Variants in AKAP6 observed in about 807,000 individuals in gnomAD.
AKAP6 encodes the protein A-kinase anchoring protein 6, also known as A-kinase anchor protein 6.
AKAP6 carries 58 observed loss-of-function variants against 188.5 expected under a neutral mutation model. The observed-to-expected ratio is 0.31, with a 90% CI of 0.25 to 0.38. The LOEUF (loss-of-function observed/expected upper bound fraction) is 0.38. Ranked by LOEUF, AKAP6 falls within the 10% of genes least tolerant of loss-of-function variation. AKAP6 has a pLI of 1.00. For synonymous variants in AKAP6, 989 were observed against 998.6 expected (o/e 0.99, Z 0.18); for missense variants, 2,710 against 2,740.0 (o/e 0.99, Z 0.24).
intron 1 of AKAP6, among the ~76,000 whole-genome samples, chr14:32,384,320 C>A (rs889854943): frequency 2.0e-5 from 3 of 152,206 alleles, no homozygotes; most frequent in African/African-American, 7.2e-5. Flanking sequence ...CTGTGTCTTA[C>A]ATTGCCCTAA....
chr14:32,334,404 C>T (rs1300214096), intron 1 of AKAP6, among the ~76,000 whole-genome samples: 2 of 152,072 alleles, frequency 1.3e-5, no homozygotes, highest in South Asian at 2.1e-4. Flanking sequence ...ACTTAATAGC[C>T]GTCTTGGTTT....
intron 12 of AKAP6, among the ~76,000 whole-genome samples, chr14:32,795,243 C>CA (rs1449740463): frequency 5.3e-5 from 8 of 151,990 alleles, no homozygotes; most frequent in Admixed American, 2.6e-4. Flanking sequence ...GAAAATATTC[C>CA]AAAAAAATTG....
chr14:32,337,196 G>A (rs1886731308), intron 1 of AKAP6, among the ~76,000 whole-genome samples: 1 of 152,108 alleles, frequency 6.6e-6, no homozygotes, highest in South Asian at 2.1e-4. Context: ...AATGAAAACA[G>A]GCGTGCAAGT....
intron 7 of AKAP6, among the ~76,000 whole-genome samples, chr14:32,675,347 C>A (rs1278255726): frequency 6.6e-6 from 1 of 152,120 alleles, no homozygotes; most frequent in Non-Finnish European, 1.5e-5. Context: ...TTTGATGGTG[C>A]ATCTTAAATA....
chr14:32,374,988 A>G (rs541287686), intron 1 of AKAP6, among the ~76,000 whole-genome samples: 2 of 152,352 alleles, frequency 1.3e-5, no homozygotes, highest in African/African-American at 4.8e-5. Flanking sequence ...AAGAAACATC[A>G]TAGTGTGGAG....
intron 7 of AKAP6, among the ~76,000 whole-genome samples, chr14:32,664,384 C>T (rs779187847): frequency 3.9e-5 from 6 of 151,930 alleles, no homozygotes; most frequent in Non-Finnish European, 8.8e-5. Context: ...GTGGCTTTGT[C>T]ACAGATCTAC....
At chr14:32,641,482 AAAAAAAGAAAAG>A (rs981851000) in intron 7 of AKAP6, among the ~76,000 whole-genome samples, 2 of 151,436 alleles carry the variant, frequency 1.3e-5, no homozygotes, top group African/African-American at 4.8e-5. Context: ...AAAAAAAAAA[AAAAAAAGAAAAG>A]AAAAGAAAAG....
chr14:32,776,571 A>C (rs1235104702), intron 12 of AKAP6, among the ~76,000 whole-genome samples: 1 of 152,218 alleles, frequency 6.6e-6, no homozygotes, highest in Non-Finnish European at 1.5e-5. Flanking sequence ...GGGCCTGGGA[A>C]ATACTTGCAC....
At chr14:32,766,482 G>A (rs978556361) in intron 11 of AKAP6, among the ~76,000 whole-genome samples, 3 of 152,054 alleles carry the variant, frequency 2.0e-5, no homozygotes, top group Non-Finnish European at 2.9e-5. Context: ...TAATGGATGA[G>A]GGTTCCAATT....
chr14:32,823,832 G>A lies in AKAP6; in HGVS notation c.6019G>A (p.Asp2007Asn), dbSNP rs2034599894. 5 of 1,613,416 alleles carry A rather than the reference G, an allele frequency of 3.1e-6. No homozygotes were observed. In the South Asian group the frequency reaches 5.5e-5, roughly 18 times the overall value. ...CTCTGATGCACTGAAATCATCTGAT[G>A]ATGCACCGAGTATGGCTGGAAAATC... Reference protein sequence around the residue: ...QDSDALKSSDDAPSMAGKSAG... With the variant: ...QDSDALKSSDNAPSMAGKSAG... Residue 2007 changes from aspartate to asparagine, a missense_variant, in exon 13 of 14, where the codon GAT (aspartate) becomes AAT (asparagine). By Grantham distance (23) the Asp-to-Asn change is conservative. Transcript: ENST00000280979.
intron 5 of AKAP6, among the ~76,000 whole-genome samples, chr14:32,597,474 T>G: frequency 6.6e-6 from 1 of 152,212 alleles, no homozygotes; most frequent in East Asian, 1.9e-4. Flanking sequence ...GCTTCAGAGT[T>G]GAGGATGTCC....
chr14:32,506,458 G>A (rs1880883245), intron 2 of AKAP6, among the ~76,000 whole-genome samples: 1 of 152,162 alleles, frequency 6.6e-6, no homozygotes, highest in Non-Finnish European at 1.5e-5. Flanking sequence ...TGATATAGAT[G>A]TGGTAGGGAC....
intron 1 of AKAP6, among the ~76,000 whole-genome samples, chr14:32,428,266 TC>T (rs1485758795): frequency 6.6e-6 from 1 of 152,166 alleles, no homozygotes; most frequent in African/African-American, 2.4e-5. Context: ...GGCAACTGTC[TC>T]CTTTTTCTCG....
intron 8 of AKAP6, among the ~76,000 whole-genome samples, chr14:32,685,010 C>T (rs978757401): frequency 6.6e-6 from 1 of 151,974 alleles, no homozygotes; most frequent in Non-Finnish European, 1.5e-5. Flanking sequence ...AATCCCAGCA[C>T]TTTGGGAGGC....
At chr14:32,624,339 G>A (rs1428327417) in intron 7 of AKAP6, among the ~76,000 whole-genome samples, 1 of 152,136 alleles carries the variant, frequency 6.6e-6, no homozygotes, top group East Asian at 1.9e-4. Flanking sequence ...TCCTGCATTT[G>A]CCATGATATA....
At chr14:32,332,750 G>A (rs1271735228) in intron 1 of AKAP6, among the ~76,000 whole-genome samples, 2 of 152,098 alleles carry the variant, frequency 1.3e-5, no homozygotes, top group Non-Finnish European at 2.9e-5. Context: ...AGTCTGGAAA[G>A]TGTAATCTGA....
chr14:32,693,378 A>C (rs1413976985), intron 8 of AKAP6: 1 of 152,178 alleles, frequency 6.6e-6, no homozygotes, highest in Non-Finnish European at 1.5e-5. Context: ...TTGTCATGGC[A>C]ATGCCTCTGT....
chr14:32,698,603 C>CA (rs1372764716), intron 9 of AKAP6, among the ~76,000 whole-genome samples: 16 of 152,092 alleles, frequency 1.1e-4, no homozygotes, highest in Admixed American at 1.0e-3. Flanking sequence ...GTTCCCCACT[C>CA]ATTGTGACAA....
At position 32,718,711 on chromosome 14, in the gene AKAP6, C is replaced by T. The variant is rs2030365272; in HGVS notation, c.3001-13743C>T. Among the ~76,000 whole-genome samples the T allele has an allele frequency of 2.0e-5, 3 of 152,208 alleles. No individual in the cohort carries two copies. The South Asian group carries it at 6.2e-4, about 32-fold the overall frequency. ...AATAATATTCCTGTATTGGATGTTT[C>T]ACCAAATAAGTTTTTCACAGAAAAT... On this transcript the variant is annotated intron_variant, in intron 9 of 13. Transcript: ENST00000280979.
Sources: gnomAD v4.1 joint callset for allele counts (sites outside exome capture counted in the v4.1 genomes callset) on GRCh38, gnomAD v4.1.1 for gene constraint, MANE v1.5 for transcripts, NCBI Gene and HGNC (gene_info 2026-07-23, HGNC 2026-07-21) for gene names.